VAMP3: variants seen among roughly 807,000 people sequenced by gnomAD.
VAMP3 encodes the protein vesicle-associated membrane protein 3.
VAMP3 carries 11 observed loss-of-function variants against 18.1 expected under a neutral mutation model. The observed-to-expected ratio is 0.61, with a 90% CI of 0.38 to 1.00. VAMP3 has a LOEUF of 1.00. Among genes scored for constraint, VAMP3 ranks in the 50% least tolerant of loss-of-function variants. VAMP3 has a pLI of 0.01. For synonymous variants in VAMP3, 49 were observed against 43.1 expected, an observed-to-expected ratio of 1.14 and a Z score of -0.53; for missense variants, 122 against 127.3, an observed-to-expected ratio of 0.96 and a Z score of 0.20.
intron 2 of VAMP3, among the ~76,000 whole-genome samples, chr1:7,775,232 G>A (rs1191067790): frequency 6.6e-6 from 1 of 152,182 alleles, no homozygotes; most frequent in African/African-American, 2.4e-5. Flanking sequence ...GGTTGTTTGA[G>A]TTGTGAGAGT....
chr1:7,778,064 C>T, intron 3 of VAMP3, 54 bp from the exon 4 acceptor site: 2 of 1,583,618 alleles, frequency 1.3e-6, no homozygotes, highest in South Asian at 1.1e-5. Flanking sequence ...TACTCTTCAA[C>T]AAGCACATTA....
At chr1:7,774,336 C>CAAA (rs2097053042) in intron 2 of VAMP3, among the ~76,000 whole-genome samples, 1 of 141,936 alleles carries the variant, frequency 7.0e-6, no homozygotes, top group Non-Finnish European at 1.5e-5. Flanking sequence ...ATTCTGTTTA[C>CAAA]TTACAAAATC....
At position 7,781,006 on chromosome 1, in the gene VAMP3, G is replaced by A. The variant is rs746680752; in HGVS notation, c.*1361G>A. 6.5e-6 allele frequency: 1 copy of A among 152,822 alleles called. No individual in the cohort carries two copies. The highest frequency in any genetic ancestry group is 2.4e-5 in the African/African-American group (1 of 41,468). 9.5% of individuals were successfully genotyped at this position (152,822 alleles called of 1,614,324 possible). On this transcript the variant is annotated 3_prime_UTR_variant, in exon 5 of 5. Coordinates refer to ENST00000054666, the MANE Select transcript of VAMP3 (RefSeq NM_004781.4). Reference sequence around the variant, plus strand: ...AAGAAAACAGGCAAGGAGGCACTGAGGGAGAAAGACACAGACTTTATCGCT... The same window carrying A: ...AAGAAAACAGGCAAGGAGGCACTGAAGGAGAAAGACACAGACTTTATCGCT...
In VAMP3 at chr1:7,779,773, T is replaced by C; in HGVS notation, c.*128T>C. 1 of 1,320,502 alleles carries C rather than the reference T, an allele frequency of 7.6e-7. No homozygotes were observed. The highest frequency in any genetic ancestry group is 1.1e-6 in the Non-Finnish European group (1 of 943,232). The allele number at this position is 1,320,502 out of a possible 1,614,324, so 81.8% of individuals were successfully genotyped here. A position where few individuals can be genotyped will look rare whatever the true frequency, so the allele number is the denominator to read the frequency against. ...TTTTTTGTGTTAATGTAAAGTTGAA[T>C]TTCTAGGAAACGTGCCTTTGTTTTT... On this transcript the variant is annotated 3_prime_UTR_variant, in exon 5 of 5. Transcript: ENST00000054666.
intron 2 of VAMP3, chr1:7,776,347 A>G (rs571462385): frequency 2.6e-5 from 4 of 152,354 alleles, no homozygotes; most frequent in African/African-American, 9.6e-5. Context: ...TAGAAACACA[A>G]CTGATTTCTA....
chr1:7,773,334 T>C (rs2097052373), intron 1 of VAMP3, 108 bp from the exon 2 acceptor site: 1 of 847,070 alleles, frequency 1.2e-6, no homozygotes, highest in African/African-American at 1.7e-5. Context: ...GTTTTAGTTC[T>C]AATGTAAGAG....
In VAMP3 at chr1:7,777,311, A is replaced by T. The variant is rs766280350; in HGVS notation, c.224A>T (p.Asn75Ile). 6.2e-7 allele frequency: 1 copy of T among 1,611,150 alleles called. No individual in the cohort carries two copies. The highest frequency in any genetic ancestry group is 1.1e-5 in the South Asian group (1 of 90,330). Residue 75 changes from asparagine (N) to isoleucine (I), a missense_variant, in exon 3 of 5, where the codon AAT becomes ATT. Asn to Ile is a moderately radical substitution (Grantham distance 149). Coordinates refer to ENST00000054666, the MANE Select transcript of VAMP3 (RefSeq NM_004781.4). ...AKLKRKYWWK[N>I]CKMWAIGITV... ...TTGAAGAGGAAATATTGGTGGAAGAATTGCAAGGTAATTATCTTTTAACTG... is the reference window on the plus strand; with the variant it reads ...TTGAAGAGGAAATATTGGTGGAAGATTTGCAAGGTAATTATCTTTTAACTG...
intron 2 of VAMP3, among the ~76,000 whole-genome samples, chr1:7,776,121 T>C (rs954861508): frequency 5.3e-5 from 8 of 152,266 alleles, no homozygotes; most frequent in African/African-American, 1.9e-4. Context: ...AGTACTGCCC[T>C]CTTAGCAATA....
At chr1:7,775,357 AT>A (rs1026656806) in intron 2 of VAMP3, among the ~76,000 whole-genome samples, 1 of 148,316 alleles carries the variant, frequency 6.7e-6, no homozygotes, top group Admixed American at 6.7e-5. Flanking sequence ...ATTTTTATTT[AT>A]TTTTTTTGAG....
Position 7,778,127 on chromosome 1 carries a change from A to G in VAMP3, c.241A>G (p.Ile81Val), listed in dbSNP as rs747982809. 8.1e-6 allele frequency: 13 copies of G among 1,614,096 alleles called. No homozygotes were observed. The highest frequency in any genetic ancestry group is 2.7e-5 in the African/African-American group (2 of 74,930). Residue 81 changes from isoleucine (I) to valine (V), a missense_variant, in exon 4 of 5, where the codon ATC becomes GTC. Physicochemically the swap from Ile to Val is conservative, Grantham distance 29. Coordinates refer to ENST00000054666, the MANE Select transcript of VAMP3 (RefSeq NM_004781.4). ...ATATGTTTTGTTACAGATGTGGGCAATCGGGATTACTGTTCTGGTTATCTT... is the reference window on the plus strand; with the variant it reads ...ATATGTTTTGTTACAGATGTGGGCAGTCGGGATTACTGTTCTGGTTATCTT... ...YWWKNCKMWA[I>V]GITVLVIFII...
intron 3 of VAMP3, among the ~76,000 whole-genome samples, chr1:7,777,536 T>C (rs191814553): frequency 6.6e-6 from 1 of 152,306 alleles, no homozygotes; most frequent in East Asian, 1.9e-4. Context: ...CTTCAGAAGA[T>C]GCAGGTAGAA....
intron 2 of VAMP3, among the ~76,000 whole-genome samples, chr1:7,775,528 T>C (rs1458906989): frequency 6.6e-6 from 1 of 152,082 alleles, no homozygotes; most frequent in Non-Finnish European, 1.5e-5. Context: ...TTTGTATTTT[T>C]AGTAGAGACA....
chr1:7,778,565 A>G (rs1391400614), intron 4 of VAMP3, among the ~76,000 whole-genome samples: 1 of 152,110 alleles, frequency 6.6e-6, no homozygotes, highest in Non-Finnish European at 1.5e-5. Context: ...ATTTATTCCA[A>G]GGTTTTCAGT....
chr1:7,771,467 C>T, intron 1 of VAMP3, 82 bp downstream of exon 1: 3 of 1,408,782 alleles, frequency 2.1e-6, no homozygotes, highest in Non-Finnish European at 1.8e-6. Context: ...GCCCAGTTGC[C>T]GCCGGCCGCC....
intron 1 of VAMP3, chr1:7,773,171 G>C: frequency 2.4e-6 from 1 of 410,898 alleles, no homozygotes; most frequent in Non-Finnish European, 4.4e-6. Context: ...CTTACCTATC[G>C]TGGGATCAGA....
chr1:7,777,935 A>G (rs2097055110), intron 3 of VAMP3, among the ~76,000 whole-genome samples, 183 bp from the exon 4 acceptor site: 1 of 152,254 alleles, frequency 6.6e-6, no homozygotes, highest in Non-Finnish European at 1.5e-5. Context: ...TTTTAAAAGC[A>G]GATAAGTTAC....
At chr1:7,771,612 G>A (rs2097050891) in intron 1 of VAMP3, among the ~76,000 whole-genome samples, 3 of 152,192 alleles carry the variant, frequency 2.0e-5, no homozygotes, top group African/African-American at 7.2e-5. Context: ...AGGGCGGGGC[G>A]GCGAGACGCT....
chr1:7,773,961 C>A (rs1206377915), intron 2 of VAMP3, among the ~76,000 whole-genome samples: 1 of 152,220 alleles, frequency 6.6e-6, no homozygotes, highest in Non-Finnish European at 1.5e-5. Flanking sequence ...GAATTCATCT[C>A]TAATGGTTGT....
intron 1 of VAMP3, among the ~76,000 whole-genome samples, chr1:7,771,797 G>A (rs987903392): frequency 1.8e-4 from 27 of 152,274 alleles, no homozygotes; most frequent in African/African-American, 6.3e-4. Context: ...GCCCTGTCCT[G>A]AGCCCCTGTG....
Sources: allele counts gnomAD v4.1 joint callset (sites outside exome capture counted in the v4.1 genomes callset), GRCh38; gene constraint gnomAD v4.1.1; transcripts MANE v1.5; gene names NCBI Gene and HGNC (gene_info 2026-07-23, HGNC 2026-07-21).